FREM1: variants seen among roughly 807,000 people sequenced by gnomAD.
The protein encoded by FREM1 is FRAS1 related extracellular matrix 1, also known as FRAS1-related extracellular matrix protein 1.
A neutral mutation model predicts 210.1 loss-of-function variants in FREM1; 220 were observed. The ratio of observed to expected loss-of-function variants is 1.05; its 90% CI spans 0.94 to 1.17. The LOEUF is 1.17. FREM1 is among the 50% of genes most tolerant of loss of function. The pLI, the probability that FREM1 is intolerant of heterozygous loss-of-function variation, is 0.00. For missense variants in FREM1, 3,454 were observed against 2,675.5 expected, an observed-to-expected ratio of 1.29 and a Z score of -6.42; for synonymous variants, 1,189 against 980.2, an observed-to-expected ratio of 1.21 and a Z score of -3.98.
chr9:14,861,316 TATACAC>T (rs1416610136), intron 3 of FREM1, among the ~76,000 whole-genome samples: 1 of 108,922 alleles, frequency 9.2e-6, no homozygotes, highest in African/African-American at 5.6e-5. Flanking sequence ...TATATACATA[TATACAC>T]ATATATACAT....
rs751066311 is a variant in FREM1, at chr9:14,823,228, G to A, written c.2269C>T (p.His757Tyr). 6.2e-7 allele frequency: 1 copy of A among 1,613,924 alleles called. No individual in the cohort carries two copies. The highest frequency in any genetic ancestry group is 8.5e-7 in the Non-Finnish European group (1 of 1,179,812). ...VQFTFSVSNQHGGTLHGICFN... is the reference protein window; with the variant it reads ...VQFTFSVSNQYGGTLHGICFN... ...CAGATCCCATGCAAAGTACCGCCAT[G>A]TTGGTTACTGACAGAAAATGTGAAC... Residue 757 changes from histidine (H) to tyrosine (Y), a missense_variant, in exon 13 of 37, where the codon CAT becomes TAT. Transcript: ENST00000380880.
At chr9:14,827,359 T>TTCTA (rs1346132904) in intron 10 of FREM1, among the ~76,000 whole-genome samples, 1 of 152,216 alleles carries the variant, frequency 6.6e-6, no homozygotes, top group Non-Finnish European at 1.5e-5. Context: ...GGTGCCTGTG[T>TTCTA]TCTAACACGT....
intron 5 of FREM1, among the ~76,000 whole-genome samples, chr9:14,857,087 A>G (rs987902941): frequency 6.6e-6 from 1 of 152,162 alleles, no homozygotes; most frequent in Non-Finnish European, 1.5e-5. Flanking sequence ...CCTTCATCCC[A>G]AAGCCTGGAA....
intron 24 of FREM1, among the ~76,000 whole-genome samples, chr9:14,781,335 A>C (rs1232473242): frequency 1.3e-5 from 2 of 152,220 alleles, no homozygotes; most frequent in Non-Finnish European, 2.9e-5. Context: ...GATTGCACCA[A>C]ATCAATGCTT....
chr9:14,756,462 A>C lies in FREM1; in HGVS notation c.5335-16T>G. On this transcript the variant is annotated splice_polypyrimidine_tract_variant and intron_variant, in intron 28 of 36. Coordinates refer to ENST00000380880, the MANE Select transcript of FREM1 (RefSeq NM_001379081.2). ...CTTGGTTGACCTTAGGAGGGAAAAA[A>C]AAATCTTTTTAAGATAAAAATAAAT... The C allele has an allele frequency of 1.3e-6, 2 of 1,560,330 alleles. No homozygotes were observed. The highest frequency in any genetic ancestry group is 1.2e-5 in the South Asian group (1 of 84,030).
At position 14,784,626 on chromosome 9, in the gene FREM1, C is replaced by A; in HGVS notation, c.4186G>T (p.Val1396Phe). 6.4e-7 allele frequency: 1 copy of A among 1,572,648 alleles called. No individual in the cohort carries two copies. The highest frequency in any genetic ancestry group is 8.6e-7 in the Non-Finnish European group (1 of 1,156,738). Reference sequence around the variant, plus strand: ...ACCACGAGTGGTTTTGTAAGGATGACAATATCACCTACATGACATAAGAGG... The same window carrying A: ...ACCACGAGTGGTTTTGTAAGGATGAAAATATCACCTACATGACATAAGAGG... ...TIKDMEKGDI[V>F]ILTKPLVVSK... is the part of the protein sequence containing the mutation. Residue 1396 changes from valine (V) to phenylalanine (F), a missense_variant, in exon 24 of 37, where the codon GTC becomes TTC. Coordinates refer to ENST00000380880, the MANE Select transcript of FREM1 (RefSeq NM_001379081.2).
chr9:14,797,889 T>G lies in FREM1; in HGVS notation c.3695-247A>C, dbSNP rs543424474. On this transcript the variant is annotated intron_variant, in intron 20 of 36. Coordinates refer to ENST00000380880, the MANE Select transcript of FREM1 (RefSeq NM_001379081.2). ...TTAAAATCAGTTAGGAAAGAATATA[T>G]TTTTAAATAAACTATATAAACAAAG... is the stretch of plus-strand genomic sequence containing the variant. 2.6e-5 allele frequency among the ~76,000 whole-genome samples: 4 copies of G among 152,318 alleles called. No homozygotes were observed. In the East Asian group the frequency reaches 7.7e-4, roughly 29 times the overall value.
At chr9:14,741,891 AC>A (rs1841636146) in intron 35 of FREM1, among the ~76,000 whole-genome samples, 1 of 152,204 alleles carries the variant, frequency 6.6e-6, no homozygotes, top group Admixed American at 6.5e-5. Flanking sequence ...TTTAAAACAA[AC>A]TTGGTAAAAT....
chr9:14,902,582 T>C (rs1188422102), intron 1 of FREM1, among the ~76,000 whole-genome samples: 2 of 152,158 alleles, frequency 1.3e-5, no homozygotes, highest in Admixed American at 6.5e-5. Flanking sequence ...TGAGGCCACA[T>C]AGTATCTTGA....
intron 16 of FREM1, among the ~76,000 whole-genome samples, chr9:14,810,978 A>T (rs1423272612): frequency 5.3e-5 from 8 of 152,206 alleles, no homozygotes; most frequent in Admixed American, 3.3e-4. Context: ...AATTATTCTT[A>T]GGTGGCCTCT....
At chr9:14,824,290 C>A (rs1821927074) in intron 11 of FREM1, among the ~76,000 whole-genome samples, 175 bp from the exon 12 acceptor site, 1 of 152,194 alleles carries the variant, frequency 6.6e-6, no homozygotes. Context: ...TCATCAACAT[C>A]ATCCTTGTCA....
chr9:14,813,993 G>C (rs1819861655), intron 15 of FREM1, among the ~76,000 whole-genome samples: 1 of 152,128 alleles, frequency 6.6e-6, no homozygotes, highest in South Asian at 2.1e-4. Context: ...GCTATGGGGT[G>C]CCTTTGCCAC....
chr9:14,834,437 C>T (rs1824164893), intron 10 of FREM1, among the ~76,000 whole-genome samples: 1 of 152,184 alleles, frequency 6.6e-6, no homozygotes, highest in African/African-American at 2.4e-5. Flanking sequence ...GTAAAAATTT[C>T]ACCTCATGGT....
chr9:14,801,620 T>G, intron 20 of FREM1, 32 bp downstream of exon 20: 1 of 1,423,202 alleles, frequency 7.0e-7, no homozygotes, highest in Non-Finnish European at 9.9e-7. Flanking sequence ...CAATCAACAA[T>G]AACAAATGCA....
chr9:14,784,222 T>G (rs1850056558), intron 24 of FREM1, 148 bp downstream of exon 24: 1 of 656,452 alleles, frequency 1.5e-6, no homozygotes, highest in Non-Finnish European at 2.3e-6. Context: ...AAAACAAATT[T>G]CATTCTATAA....
intron 29 of FREM1, chr9:14,751,965 G>A (rs62535285): frequency 0.14 from 21,618 of 150,040 alleles, 1,713 homozygotes; most frequent in East Asian, 0.31. Flanking sequence ...AACCAATTAC[G>A]TTCACAGTCT....
intron 21 of FREM1, among the ~76,000 whole-genome samples, chr9:14,793,864 G>C (rs568133502): frequency 7.0e-4 from 106 of 152,244 alleles, no homozygotes; most frequent in African/African-American, 2.3e-3. Context: ...TGCTACCCAG[G>C]GCTGACATCT....
chr9:14,895,354 G>C (rs999281275), intron 1 of FREM1, among the ~76,000 whole-genome samples: 1 of 152,174 alleles, frequency 6.6e-6, no homozygotes. Flanking sequence ...TGGTACACCT[G>C]ATTAGATTCT....
At chr9:14,754,828 G>T (rs1394625490) in intron 29 of FREM1, among the ~76,000 whole-genome samples, 1 of 152,156 alleles carries the variant, frequency 6.6e-6, no homozygotes, top group Non-Finnish European at 1.5e-5. Context: ...CAGCTACTTG[G>T]GAGGCCAAGG....
Sources: allele counts gnomAD v4.1 joint callset (sites outside exome capture counted in the v4.1 genomes callset), GRCh38; gene constraint gnomAD v4.1.1; transcripts MANE v1.5; gene names NCBI Gene and HGNC (gene_info 2026-07-23, HGNC 2026-07-21).